ASB13: variants seen among roughly 807,000 people sequenced by gnomAD.
ASB13 encodes ankyrin repeat and SOCS box containing 13, also known as ankyrin repeat and SOCS box protein 13.
In ASB13, 33 loss-of-function variants were observed where a neutral mutation model predicts 28.8. The observed-to-expected ratio is 1.15, with a 90% CI of 0.87 to 1.53. ASB13 has a LOEUF of 1.53. Ranked by LOEUF, ASB13 falls within the 40% of genes most tolerant of loss-of-function variation. The pLI is 0.00. For synonymous variants in ASB13, 182 were observed against 172.9 expected, an observed-to-expected ratio of 1.05 and a Z score of -0.41; for missense variants, 414 against 390.1, an observed-to-expected ratio of 1.06 and a Z score of -0.52.
chr10:5,656,602 G>T lies in ASB13; in HGVS notation c.44-3552C>A, dbSNP rs1302648970. 6.6e-6 allele frequency among the ~76,000 whole-genome samples: 1 copy of T among 152,124 alleles called. No individual in the cohort carries two copies. Among genetic ancestry groups the T allele is most frequent in the East Asian group, 1.9e-4 (1 of 5,202 alleles). ...AAGAACTAACATTTTTGTTTGAGGGGCCTTTATCCATTCTTACACAGAGGC... is the reference window on the plus strand; with the variant it reads ...AAGAACTAACATTTTTGTTTGAGGGTCCTTTATCCATTCTTACACAGAGGC... On this transcript the variant is annotated intron_variant, in intron 1 of 5. Coordinates refer to ENST00000357700, the MANE Select transcript of ASB13 (RefSeq NM_024701.4). The surrounding 1 kb of genome is among the most constrained non-coding windows in gnomAD (Gnocchi z 4.3).
In ASB13 at chr10:5,651,160, A is replaced by G; in HGVS notation, c.382+53T>C. The stretch of plus-strand genomic sequence containing the variant: ...TCCCTAAGTCCCTTTAATCCCAGAA[A>G]GGAGGAAACTTCCAGAGCCCAGCTG... On this transcript the variant is annotated intron_variant, in intron 3 of 5. Coordinates refer to ENST00000357700, the MANE Select transcript of ASB13 (RefSeq NM_024701.4). The surrounding 1 kb of genome is among the most constrained non-coding windows in gnomAD (Gnocchi z 5.1). 1 of 1,542,226 alleles carries G rather than the reference A, an allele frequency of 6.5e-7. No homozygotes were observed. Among genetic ancestry groups the G allele is most frequent in the Non-Finnish European group, 8.7e-7 (1 of 1,144,800 alleles).
In ASB13 at chr10:5,644,588, C is replaced by T. The variant is rs555661351; in HGVS notation, c.518-2627G>A. Among the ~76,000 whole-genome samples, 6 of 152,196 alleles carry T rather than the reference C, an allele frequency of 3.9e-5. No homozygotes were observed. The highest frequency in any genetic ancestry group is 1.9e-4 in the East Asian group (1 of 5,172). On this transcript the variant is annotated intron_variant, in intron 4 of 5. Transcript: ENST00000357700. This position sits in a 1 kb window ranked among gnomAD's most constrained non-coding sequence, Gnocchi z 5.1. ...ATCCCAGCACTTTGAGAGCCTGAGG[C>T]GGGCAGATCACCTGAGGTCAGGAGT...
At chr10:5,654,962 C>T (rs7904109) in intron 1 of ASB13, among the ~76,000 whole-genome samples, 52,840 of 151,830 alleles carry the variant, frequency 0.35, 9,338 homozygotes, top group Admixed American at 0.43. Flanking sequence ...ATTACCTGGG[C>T]GTGGTGGTGC....
In ASB13 at chr10:5,652,158, T is replaced by TG. The variant is rs1250751622; in HGVS notation, c.231+704dup. Among the ~76,000 whole-genome samples, 3 of 151,898 alleles carry TG rather than the reference T, an allele frequency of 2.0e-5. No homozygotes were observed. In the East Asian group the frequency reaches 5.8e-4, roughly 30 times the overall value. On this transcript the variant is annotated intron_variant, in intron 2 of 5. Coordinates refer to ENST00000357700, the MANE Select transcript of ASB13 (RefSeq NM_024701.4). This position sits in a 1 kb window ranked among gnomAD's most constrained non-coding sequence, Gnocchi z 5.0. ...CCAGGAAAAAGGCAACTCCCCAAAT[T>TG]GGCAAATTTTATTTAGCATTTGTCC...
chr10:5,648,162 C>A (rs1238349021), intron 4 of ASB13, among the ~76,000 whole-genome samples: 4 of 150,778 alleles, frequency 2.7e-5, no homozygotes, highest in South Asian at 2.1e-4. Context: ...CGGGTAAACA[C>A]TCACGGGGGT....
chr10:5,665,665 G>A (rs1291752333), intron 1 of ASB13, among the ~76,000 whole-genome samples: 2 of 152,166 alleles, frequency 1.3e-5, no homozygotes, highest in Non-Finnish European at 2.9e-5. Context: ...CATGTCAAAG[G>A]TGGTTATTTT....
At chr10:5,653,086 C>G in intron 1 of ASB13, 36 bp from the exon 2 acceptor site, 1 of 1,503,006 alleles carries the variant, frequency 6.7e-7, no homozygotes, top group Non-Finnish European at 8.9e-7. Flanking sequence ...AAGACCCTGC[C>G]ACTTCCATCC....
In ASB13 at chr10:5,652,026, C is replaced by CCACACACACACACACACA. The variant is rs5782851; in HGVS notation, c.232-681_232-664dup. ...CAAAAAAAAAAAAAAAAAAAAAAAA[C>CCACACACACACACACACA]CACACACACACACACACACACACAC... is the stretch of plus-strand genomic sequence containing the variant. On this transcript the variant is annotated intron_variant, in intron 2 of 5. Coordinates refer to ENST00000357700, the MANE Select transcript of ASB13 (RefSeq NM_024701.4). This position sits in a 1 kb window ranked among gnomAD's most constrained non-coding sequence, Gnocchi z 5.0. Among the ~76,000 whole-genome samples the CCACACACACACACACACA allele has an allele frequency of 4.7e-4, 28 of 59,146 alleles. No homozygotes were observed. Among genetic ancestry groups the CCACACACACACACACACA allele is most frequent in the African/African-American group, 2.0e-3 (28 of 13,958 alleles). The allele number at this position is 59,146 out of a possible 152,430, so 38.8% of individuals were successfully genotyped here.
At chr10:5,666,423 T>G (rs1441304612) in intron 1 of ASB13, 86 bp downstream of exon 1, 8 of 1,149,788 alleles carry the variant, frequency 7.0e-6, no homozygotes, top group African/African-American at 3.3e-5. Context: ...CGCCACCACC[T>G]CCCCGGCGCA....
Position 5,656,981 on chromosome 10 carries a change from G to C in ASB13, c.44-3931C>G, listed in dbSNP as rs142700374. ...CCAGATAAACCTGCCACCAACTCTT[G>C]TCTCTCGTATTTGGCTTTTGAGCAG... On this transcript the variant is annotated intron_variant, in intron 1 of 5. Coordinates refer to ENST00000357700, the MANE Select transcript of ASB13 (RefSeq NM_024701.4). The surrounding 1 kb of genome is among the most constrained non-coding windows in gnomAD (Gnocchi z 4.3). Among the ~76,000 whole-genome samples the C allele has an allele frequency of 7.2e-3, 1,091 of 152,258 alleles. 15 individuals carry two copies. Among genetic ancestry groups the C allele is most frequent in the African/African-American group, 0.024 (988 of 41,548 alleles).
chr10:5,649,409 G>A lies in ASB13; in HGVS notation c.383-305C>T, dbSNP rs879905140. Among the ~76,000 whole-genome samples, 8 of 151,970 alleles carry A rather than the reference G, an allele frequency of 5.3e-5. No individual in the cohort carries two copies. Among genetic ancestry groups the A allele is most frequent in the Admixed American group, 2.6e-4 (4 of 15,268 alleles). ...AGAATGGGTCAGGGAAAACTCCCCC[G>A]CTGCCCCCCTGCCCTGTGTCTACCT... On this transcript the variant is annotated intron_variant, in intron 3 of 5. Coordinates refer to ENST00000357700, the MANE Select transcript of ASB13 (RefSeq NM_024701.4). The surrounding 1 kb of genome is among the most constrained non-coding windows in gnomAD (Gnocchi z 6.4).
Position 5,651,680 on chromosome 10 carries a change from A to C in ASB13, c.232-317T>G. The C allele has an allele frequency of 4.2e-6, 1 of 236,674 alleles. No individual in the cohort carries two copies. Among genetic ancestry groups the C allele is most frequent in the Non-Finnish European group, 8.1e-6 (1 of 123,088 alleles). The allele number at this position is 236,674 out of a possible 1,614,324, so 14.7% of individuals were successfully genotyped here. On this transcript the variant is annotated intron_variant, in intron 2 of 5. Transcript: ENST00000357700. The surrounding 1 kb of genome is among the most constrained non-coding windows in gnomAD (Gnocchi z 5.1). Reference sequence around the variant, plus strand: ...GGGGAACCCTAGGCTGCAAGCTGGGAAAGGCAGGCTTTAAAAATGAGTTTT... The same window carrying C: ...GGGGAACCCTAGGCTGCAAGCTGGGCAAGGCAGGCTTTAAAAATGAGTTTT...
rs867831764 is a variant in ASB13, at chr10:5,660,979, C to G, written c.43+5530G>C. 3.0e-4 allele frequency among the ~76,000 whole-genome samples: 45 copies of G among 152,220 alleles called. No homozygotes were observed. Among genetic ancestry groups the G allele is most frequent in the African/African-American group, 1.0e-3 (43 of 41,442 alleles). Reference sequence around the variant, plus strand: ...AGACCACCAGCAGCTTGAAAGCAGCCAGGATGTGAGTATTTAGACCAGGGA... The same window carrying G: ...AGACCACCAGCAGCTTGAAAGCAGCGAGGATGTGAGTATTTAGACCAGGGA... On this transcript the variant is annotated intron_variant, in intron 1 of 5. Coordinates refer to ENST00000357700, the MANE Select transcript of ASB13 (RefSeq NM_024701.4). This position sits in a 1 kb window ranked among gnomAD's most constrained non-coding sequence, Gnocchi z 6.1.
rs1554744171 is a variant in ASB13, at chr10:5,662,603, G to GAAGAGAAGAGAAGAA, written c.43+3905_43+3906insTTCTTCTCTTCTCTT. 2.2e-3 allele frequency among the ~76,000 whole-genome samples: 289 copies of GAAGAGAAGAGAAGAA among 132,472 alleles called. 25 individuals carry two copies. The highest frequency in any genetic ancestry group is 4.0e-3 in the Middle Eastern group (1 of 248). The allele number at this position is 132,472 out of a possible 152,430, so 86.9% of individuals were successfully genotyped here. ...GAAGAGAAGAGAAGAGAAGAGAAGA[G>GAAGAGAAGAGAAGAA]AAGAGAAGAGAAGAGAAGAGAAGAG... On this transcript the variant is annotated intron_variant, in intron 1 of 5. Transcript: ENST00000357700.
rs1299978431 is a variant in ASB13 at position 5,659,840 on chromosome 10, C to T, written c.43+6669G>A. Among the ~76,000 whole-genome samples the T allele has an allele frequency of 6.6e-6, 1 of 152,226 alleles. No homozygotes were observed. Among genetic ancestry groups the T allele is most frequent in the African/African-American group, 2.4e-5 (1 of 41,464 alleles). Reference sequence around the variant, plus strand: ...AATAAGCACTCCCCAGACGCATCTTCCCCTGCCAGACTGAACTTGGACCCC... The same window carrying T: ...AATAAGCACTCCCCAGACGCATCTTTCCCTGCCAGACTGAACTTGGACCCC... On this transcript the variant is annotated intron_variant, in intron 1 of 5. Coordinates refer to ENST00000357700, the MANE Select transcript of ASB13 (RefSeq NM_024701.4). The surrounding 1 kb of genome is among the most constrained non-coding windows in gnomAD (Gnocchi z 5.8).
intron 1 of ASB13, among the ~76,000 whole-genome samples, chr10:5,653,874 G>A (rs1234132562): frequency 7.9e-5 from 12 of 152,066 alleles, no homozygotes; most frequent in African/African-American, 2.9e-4. Flanking sequence ...TAGAGATGGG[G>A]TTTCACCATA....
rs202154158 is a variant in ASB13, at chr10:5,641,953, C to G, written c.526G>C (p.Val176Leu). 1 of 1,602,600 alleles carries G rather than the reference C, an allele frequency of 6.2e-7. No individual in the cohort carries two copies. Among genetic ancestry groups the G allele is most frequent in the East Asian group, 2.2e-5 (1 of 44,526 alleles). Residue 176 changes from valine (V) to leucine (L), a missense_variant, in exon 5 of 6, where the codon GTG becomes CTG. Coordinates refer to ENST00000357700, the MANE Select transcript of ASB13 (RefSeq NM_024701.4). This position sits in a 1 kb window ranked among gnomAD's most constrained non-coding sequence, Gnocchi z 8.4. ...GTCTCATGAAGCTTTGCCGCATTCA[C>G]GTTGGCCCCTGGAGGTCAAGAGTGC... is the stretch of plus-strand genomic sequence containing the variant. ...VKVLLNAGAN[V>L]NAAKLHETAL...
Position 5,664,600 on chromosome 10 carries a change from G to A in ASB13, c.43+1909C>T, listed in dbSNP as rs982284377. On this transcript the variant is annotated intron_variant, in intron 1 of 5. Coordinates refer to ENST00000357700, the MANE Select transcript of ASB13 (RefSeq NM_024701.4). This position sits in a 1 kb window ranked among gnomAD's most constrained non-coding sequence, Gnocchi z 4.2. Reference sequence around the variant, plus strand: ...TGGGGGGAACGTACGGGGGAGTGGGGGAGCAGCCAGTAGGTTAGAGGTTCA... The same window carrying A: ...TGGGGGGAACGTACGGGGGAGTGGGAGAGCAGCCAGTAGGTTAGAGGTTCA... 6.6e-5 allele frequency among the ~76,000 whole-genome samples: 10 copies of A among 152,136 alleles called. No individual in the cohort carries two copies. Among genetic ancestry groups the A allele is most frequent in the African/African-American group, 2.4e-4 (10 of 41,402 alleles).
Position 5,651,415 on chromosome 10 carries a change from C to T in ASB13, c.232-52G>A, listed in dbSNP as rs1327790802. The T allele has an allele frequency of 3.3e-6, 5 of 1,505,024 alleles. No homozygotes were observed. Among genetic ancestry groups the T allele is most frequent in the South Asian group, 1.3e-5 (1 of 77,318 alleles). 93.2% of individuals were successfully genotyped at this position (1,505,024 alleles called of 1,614,324 possible). A position where few individuals can be genotyped will look rare whatever the true frequency, so the allele number is the denominator to read the frequency against. Reference sequence around the variant, plus strand: ...AAGGGCAGAGAAATGCCACGCAACCCACTTTCCCATCCTGCTGCAGGTTCA... The same window carrying T: ...AAGGGCAGAGAAATGCCACGCAACCTACTTTCCCATCCTGCTGCAGGTTCA... On this transcript the variant is annotated intron_variant, in intron 2 of 5. Transcript: ENST00000357700. The surrounding 1 kb of genome is among the most constrained non-coding windows in gnomAD (Gnocchi z 5.1).
Sources: gnomAD v4.1 joint callset for allele counts (sites outside exome capture counted in the v4.1 genomes callset) on GRCh38, gnomAD v4.1.1 for gene constraint, Gnocchi (gnomAD v3.1) non-coding constraint, MANE v1.5 for transcripts, NCBI Gene and HGNC (gene_info 2026-07-23, HGNC 2026-07-21) for gene names.